The following CCDC7 variants were observed in gnomAD, a reference collection of about 807,000 sequenced individuals.
CCDC7 encodes coiled-coil domain-containing protein 7.
CCDC7 carries 183 observed loss-of-function variants against 196.9 expected under a neutral mutation model. The observed-to-expected ratio is 0.93, with a 90% CI of 0.82 to 1.05. The LOEUF (loss-of-function observed/expected upper bound fraction) is 1.05, where lower values mean the gene tolerates loss of function less well. Ranked by LOEUF, CCDC7 falls within the 50% of genes least tolerant of loss-of-function variation. The pLI is 0.00. For synonymous variants in CCDC7, 525 were observed against 484.6 expected, an observed-to-expected ratio of 1.08 and a Z score of -1.10; for missense variants, 1,540 against 1,482.2, an observed-to-expected ratio of 1.04 and a Z score of -0.64.
chr10:32,711,520 T>C (rs1347071549), intron 24 of CCDC7, 100 bp from the exon 26 acceptor site: 1 of 682,718 alleles, frequency 1.5e-6, no homozygotes, highest in East Asian at 3.1e-5. Context: ...CTTTATAAGA[T>C]GAAAGAAAAT....
intron 32 of CCDC7, among the ~76,000 whole-genome samples, chr10:32,828,755 T>C (rs1026196057): frequency 1.3e-5 from 2 of 152,108 alleles, no homozygotes; most frequent in Non-Finnish European, 2.9e-5. Flanking sequence ...ATCCAATATA[T>C]GTTACTGTTT....
intron 7 of CCDC7, 46 bp downstream of exon 8, chr10:32,472,588 A>G (rs2038172685): frequency 3.5e-6 from 5 of 1,436,088 alleles, no homozygotes; most frequent in Non-Finnish European, 3.7e-6. Context: ...TTTATTAAAA[A>G]TTTTGTTATT....
At chr10:32,738,421 T>A (rs2085233793) in intron 28 of CCDC7, among the ~76,000 whole-genome samples, 1 of 151,868 alleles carries the variant, frequency 6.6e-6, no homozygotes, top group Non-Finnish European at 1.5e-5. Context: ...TTATGAATAG[T>A]CTGTATCTGT....
At chr10:32,479,621 A>G (rs1237492910) in intron 8 of CCDC7, among the ~76,000 whole-genome samples, 1 of 152,116 alleles carries the variant, frequency 6.6e-6, no homozygotes, top group African/African-American at 2.4e-5. Context: ...ATTTTGTTAA[A>G]GATATTTGTA....
chr10:32,711,545 T>A, intron 24 of CCDC7, 75 bp from the exon 26 acceptor site: 1 of 854,208 alleles, frequency 1.2e-6, no homozygotes, highest in South Asian at 1.7e-5. Flanking sequence ...CTTCCACTTG[T>A]TATAAATTTG....
intron 18 of CCDC7, among the ~76,000 whole-genome samples, chr10:32,633,959 T>C (rs1310906695): frequency 6.6e-6 from 1 of 152,022 alleles, no homozygotes; most frequent in African/African-American, 2.4e-5. Context: ...ATATTTTTCT[T>C]CATCTCTCCT....
intron 23 of CCDC7, among the ~76,000 whole-genome samples, chr10:32,690,522 A>T (rs946594964): frequency 6.6e-6 from 1 of 152,200 alleles, no homozygotes; most frequent in Non-Finnish European, 1.5e-5. Context: ...TTTGGTGGCC[A>T]GGGCTGTAAT....
At chr10:32,704,010 C>G (rs977794629) in intron 24 of CCDC7, among the ~76,000 whole-genome samples, 2 of 152,114 alleles carry the variant, frequency 1.3e-5, no homozygotes, top group Non-Finnish European at 2.9e-5. Flanking sequence ...CTTCTTCTCT[C>G]AACTCGTCAA....
exon 25 of CCDC7, chr10:32,711,716 GAGA>G: frequency 6.4e-7 from 1 of 1,569,208 alleles, no homozygotes; most frequent in East Asian, 2.3e-5. Flanking sequence ...ACTTCTGAAG[GAGA>G]AGGACGTAGC....
intron 3 of CCDC7, 36 bp from the exon 5 acceptor site, chr10:32,462,647 A>G (rs1201526336): frequency 2.2e-6 from 3 of 1,371,090 alleles, no homozygotes; most frequent in East Asian, 2.5e-5. Context: ...GAAGCATTCT[A>G]ATTTTAAATG....
At chr10:32,770,656 C>T (rs552864183) in intron 28 of CCDC7, among the ~76,000 whole-genome samples, 3 of 152,068 alleles carry the variant, frequency 2.0e-5, no homozygotes, top group South Asian at 2.1e-4. Context: ...CATTTAAGTC[C>T]GTTGTTTCTC....
chr10:32,854,556 T>G, intron 41 of CCDC7, 67 bp downstream of exon 42: 1 of 1,033,342 alleles, frequency 9.7e-7, no homozygotes. Flanking sequence ...TCGTCTCTAT[T>G]TACCAACCTC....
intron 41 of CCDC7, among the ~76,000 whole-genome samples, chr10:32,873,040 A>G (rs2094485021): frequency 1.3e-5 from 2 of 152,014 alleles, no homozygotes; most frequent in African/African-American, 4.8e-5. Flanking sequence ...CTCGAGGAGT[A>G]TCTTTTTGGC....
At chr10:32,618,597 CT>C (rs1436128611) in intron 18 of CCDC7, among the ~76,000 whole-genome samples, 2 of 151,252 alleles carry the variant, frequency 1.3e-5, no homozygotes, top group African/African-American at 2.4e-5. Context: ...TGACAGATTT[CT>C]TTTTTTTTCT....
intron 41 of CCDC7, among the ~76,000 whole-genome samples, chr10:32,858,919 A>C (rs572118257): frequency 1.3e-4 from 20 of 152,322 alleles, no homozygotes; most frequent in Admixed American, 1.3e-3. Flanking sequence ...TTCATAAAAA[A>C]AGTTCTTAGA....
intron 4 of CCDC7, 76 bp downstream of exon 5, chr10:32,462,779 A>G: frequency 7.3e-7 from 1 of 1,364,026 alleles, no homozygotes; most frequent in Non-Finnish European, 9.9e-7. Flanking sequence ...AGAGGTTTCT[A>G]AATTTTAAGG....
intron 7 of CCDC7, among the ~76,000 whole-genome samples, chr10:32,473,222 A>G (rs2038308817): frequency 6.6e-6 from 1 of 152,328 alleles, no homozygotes; most frequent in South Asian, 2.1e-4. Flanking sequence ...GAAAGGAGCA[A>G]TCTGTTCAAC....
intron 8 of CCDC7, among the ~76,000 whole-genome samples, chr10:32,486,324 G>T (rs1316491466): frequency 4.0e-5 from 6 of 151,398 alleles, no homozygotes; most frequent in African/African-American, 1.5e-4. Context: ...TGCAACCCCT[G>T]CCTTTTTTTG....
At chr10:32,635,735 T>C (rs918480594) in intron 20 of CCDC7, among the ~76,000 whole-genome samples, 2 of 152,032 alleles carry the variant, frequency 1.3e-5, no homozygotes, top group Non-Finnish European at 2.9e-5. Flanking sequence ...ATACATTTTA[T>C]ATTTCATCCT....
Sources: gnomAD v4.1 joint callset for allele counts (sites outside exome capture counted in the v4.1 genomes callset) on GRCh38, gnomAD v4.1.1 for gene constraint, MANE v1.5 for transcripts, NCBI Gene and HGNC (gene_info 2026-07-23, HGNC 2026-07-21) for gene names.